Variants in GALNT17 observed in about 807,000 individuals in gnomAD.
GALNT17 encodes UDP-GalNAc:polypeptide N-acetylgalactosaminyltransferase-like 3.
In GALNT17, 29 loss-of-function variants were observed where a neutral mutation model predicts 63.7. The observed-to-expected ratio is 0.46, with a 90% CI of 0.34 to 0.62. The LOEUF is 0.62. Among genes scored for constraint, GALNT17 ranks in the 20% least tolerant of loss-of-function variants. The pLI is 0.01. For synonymous variants in GALNT17, 305 were observed against 318.3 expected (o/e 0.96, Z 0.45); for missense variants, 603 against 799.6 (o/e 0.75, Z 2.97).
At chr7:71,662,736 A>G (rs1790927364) in intron 6 of GALNT17, among the ~76,000 whole-genome samples, 2 of 152,174 alleles carry the variant, frequency 1.3e-5, no homozygotes, top group African/African-American at 4.8e-5. Context: ...ATCCCATCAT[A>G]TGGATATGTT....
At chr7:71,286,104 T>G (rs975400450) in intron 1 of GALNT17, among the ~76,000 whole-genome samples, 1 of 152,212 alleles carries the variant, frequency 6.6e-6, no homozygotes, top group African/African-American at 2.4e-5. Context: ...TTCAACTGAT[T>G]GCAATAAAAT....
At chr7:71,270,499 T>A in intron 1 of GALNT17, among the ~76,000 whole-genome samples, 1 of 129,378 alleles carries the variant, frequency 7.7e-6, no homozygotes, top group Non-Finnish European at 1.5e-5. Context: ...TGCCCCAGCC[T>A]GGGCGACAGT....
chr7:71,654,232 G>A (rs972530915), intron 6 of GALNT17, among the ~76,000 whole-genome samples: 2 of 152,072 alleles, frequency 1.3e-5, no homozygotes, highest in African/African-American at 4.8e-5. Context: ...AGCCAGGATG[G>A]TCTCCATCTC....
chr7:71,229,196 G>A (rs1244270431), intron 1 of GALNT17, among the ~76,000 whole-genome samples: 1 of 152,236 alleles, frequency 6.6e-6, no homozygotes, highest in African/African-American at 2.4e-5. Context: ...ATGGCCAAGA[G>A]AATCGTGAAG....
intron 6 of GALNT17, among the ~76,000 whole-genome samples, chr7:71,659,206 C>T (rs946712575): frequency 1.6e-4 from 24 of 152,344 alleles, no homozygotes; most frequent in African/African-American, 5.8e-4. Context: ...AATCCATTTT[C>T]TACGTTCCAG....
chr7:71,406,365 C>G (rs1428665575), intron 3 of GALNT17, among the ~76,000 whole-genome samples: 1 of 152,096 alleles, frequency 6.6e-6, no homozygotes, highest in Non-Finnish European at 1.5e-5. Context: ...CATCTGATGG[C>G]CCCTTGTTGT....
intron 6 of GALNT17, among the ~76,000 whole-genome samples, chr7:71,596,204 A>G (rs996700677): frequency 6.6e-6 from 1 of 152,000 alleles, no homozygotes; most frequent in Non-Finnish European, 1.5e-5. Context: ...ACTCCCAGCT[A>G]ATTTTTTGCA....
At chr7:71,454,225 C>T (rs1192239569) in intron 5 of GALNT17, among the ~76,000 whole-genome samples, 1 of 152,142 alleles carries the variant, frequency 6.6e-6, no homozygotes, top group Non-Finnish European at 1.5e-5. Flanking sequence ...TGCATTGTCC[C>T]CCAGACTCCA....
At chr7:71,505,953 C>T (rs146703788) in intron 5 of GALNT17, among the ~76,000 whole-genome samples, 46 of 152,294 alleles carry the variant, frequency 3.0e-4, no homozygotes, top group African/African-American at 1.1e-3. Context: ...AAGCCACAGG[C>T]CCCATTGTGT....
At chr7:71,541,603 G>A (rs1005911959) in intron 5 of GALNT17, among the ~76,000 whole-genome samples, 4 of 152,068 alleles carry the variant, frequency 2.6e-5, no homozygotes, top group Non-Finnish European at 5.9e-5. Context: ...GTGATCACTG[G>A]TTTTCAGTGT....
chr7:71,395,390 A>C (rs76682333), intron 3 of GALNT17, among the ~76,000 whole-genome samples: 2,495 of 152,290 alleles, frequency 0.016, 49 homozygotes, highest in East Asian at 0.11. Context: ...TCAAGGTTCA[A>C]CCAAATTGTG....
At chr7:71,556,436 C>T (rs1339897234) in intron 5 of GALNT17, among the ~76,000 whole-genome samples, 2 of 152,156 alleles carry the variant, frequency 1.3e-5, no homozygotes, top group South Asian at 4.1e-4. Flanking sequence ...ATCCAGCCAA[C>T]GGTTCTGTCT....
chr7:71,231,555 C>T (rs891713618), intron 1 of GALNT17, among the ~76,000 whole-genome samples: 2 of 152,118 alleles, frequency 1.3e-5, no homozygotes, highest in Admixed American at 6.6e-5. Flanking sequence ...ATCTTTTTCC[C>T]CCATGATTCT....
intron 1 of GALNT17, among the ~76,000 whole-genome samples, chr7:71,155,298 G>A (rs1448443282): frequency 6.6e-6 from 1 of 151,696 alleles, no homozygotes; most frequent in Non-Finnish European, 1.5e-5. Context: ...TTTGGAGACA[G>A]GGTCTCACTC....
intron 9 of GALNT17, among the ~76,000 whole-genome samples, chr7:71,710,352 A>G (rs1791774922): frequency 6.6e-6 from 1 of 152,186 alleles, no homozygotes; most frequent in Non-Finnish European, 1.5e-5. Context: ...TACTAAAAAT[A>G]CAAAAATTAG....
intron 1 of GALNT17, among the ~76,000 whole-genome samples, chr7:71,136,379 G>A (rs1787784146): frequency 6.6e-6 from 1 of 152,232 alleles, no homozygotes; most frequent in Non-Finnish European, 1.5e-5. Context: ...TTGGTACAGA[G>A]TGGGAGCCAG....
chr7:71,503,061 T>C (rs2116705341), intron 5 of GALNT17, among the ~76,000 whole-genome samples: 1 of 152,278 alleles, frequency 6.6e-6, no homozygotes, highest in Admixed American at 6.5e-5. Flanking sequence ...ATCTGGACTT[T>C]TTCAGCATTC....
rs1160533019 is a variant in GALNT17 at position 71,712,546 on chromosome 7, A to G, written c.*400A>G. The G allele has an allele frequency of 6.0e-6, 1 of 165,422 alleles. No homozygotes were observed. Among genetic ancestry groups the G allele is most frequent in the East Asian group, 1.9e-4 (1 of 5,362 alleles). The allele number at this position is 165,422 out of a possible 1,614,324, so 10.2% of individuals were successfully genotyped here. On this transcript the variant is annotated 3_prime_UTR_variant, in exon 11 of 11. Coordinates refer to ENST00000333538, the MANE Select transcript of GALNT17 (RefSeq NM_022479.3). ...CAGCAGCTGCTGAACTCCAGCCATC[A>G]ACACGGTGGGAGGCAGCGGGGGCTT...
chr7:71,411,970 G>T (rs1483827186), intron 3 of GALNT17, among the ~76,000 whole-genome samples: 2 of 152,186 alleles, frequency 1.3e-5, no homozygotes, highest in African/African-American at 2.4e-5. Context: ...CGGAACTGGT[G>T]TCATAGGAGC....
Sources: allele counts gnomAD v4.1 joint callset (sites outside exome capture counted in the v4.1 genomes callset), GRCh38; gene constraint gnomAD v4.1.1; transcripts MANE v1.5; gene names NCBI Gene and HGNC (gene_info 2026-07-23, HGNC 2026-07-21).